Variants in PDE8B observed in about 807,000 individuals in gnomAD.
PDE8B encodes high affinity cAMP-specific and IBMX-insensitive 3',5'-cyclic phosphodiesterase 8B.
Under a neutral mutation model 101.3 loss-of-function variants are expected in PDE8B, and 26 were observed. That is an observed-to-expected ratio of 0.26 (90% CI 0.19 to 0.36). PDE8B has a LOEUF of 0.36. PDE8B is among the 10% of genes least tolerant of loss of function. The probability of loss-of-function intolerance (pLI) is 1.00; values close to 1 mark genes in which losing one functional copy is unlikely to be tolerated. For synonymous variants in PDE8B, 424 were observed against 429.3 expected, an observed-to-expected ratio of 0.99 and a Z score of 0.15; for missense variants, 810 against 1,163.1, an observed-to-expected ratio of 0.70 and a Z score of 4.42.
chr5:77,338,983 C>G (rs1778687522), intron 6 of PDE8B, among the ~76,000 whole-genome samples: 1 of 152,058 alleles, frequency 6.6e-6, no homozygotes, highest in African/African-American at 2.4e-5. Flanking sequence ...GGGGGCTGTC[C>G]CAGGAATGTT....
At chr5:77,357,932 C>T (rs1782402808) in intron 10 of PDE8B, among the ~76,000 whole-genome samples, 2 of 152,234 alleles carry the variant, frequency 1.3e-5, no homozygotes, top group South Asian at 2.1e-4. Context: ...TGCCTGCAAC[C>T]CTTGGTGGCC....
At chr5:77,137,487 A>G in the PDE8B span, among the ~76,000 whole-genome samples, 3 of 152,250 alleles carry the variant, frequency 2.0e-5, no homozygotes, top group African/African-American at 7.2e-5. Context: ...TGGCCAAGGC[A>G]GAGTCAAGGT....
intron 19 of PDE8B, 75 bp from the exon 20 acceptor site, chr5:77,421,746 A>AT (rs1344690742): frequency 2.1e-6 from 3 of 1,430,494 alleles, no homozygotes; most frequent in African/African-American, 2.8e-5. Context: ...ATCACCATCG[A>AT]ATGCCTGGCG....
the PDE8B span, among the ~76,000 whole-genome samples, chr5:77,152,622 C>G: frequency 6.6e-6 from 1 of 152,188 alleles, no homozygotes; most frequent in Non-Finnish European, 1.5e-5. Context: ...AGCTTTTTCT[C>G]CAGCATTGTT....
intron 1 of PDE8B, among the ~76,000 whole-genome samples, chr5:77,222,252 C>A (rs1040077526): frequency 6.6e-6 from 1 of 152,112 alleles, no homozygotes; most frequent in Admixed American, 6.5e-5. Context: ...CCTGTAAACC[C>A]GCTAGGTTCT....
upstream of PDE8B, chr5:77,210,571 G>T: frequency 1.0e-6 from 1 of 956,310 alleles, no homozygotes; most frequent in African/African-American, 1.8e-5. The surrounding 1 kb of genome is among the most constrained non-coding windows in gnomAD (Gnocchi z 4.9). Context: ...GGTCGAGCTG[G>T]GCGGCGGCGG....
rs143065296 is a variant in PDE8B, at chr5:77,328,798, G to A, written c.591-200G>A. On this transcript the variant is annotated intron_variant, in intron 3 of 21. Coordinates refer to ENST00000264917, the MANE Select transcript of PDE8B (RefSeq NM_003719.5). ...TTGGATAATTGCCTGGGAGTTAAGA[G>A]AAAAAAAATTTTTTAACGAAATGAA... Among the ~76,000 whole-genome samples the A allele has an allele frequency of 1.6e-3, 239 of 152,222 alleles. 6 individuals carry two copies. In the East Asian group the frequency reaches 0.044, roughly 28 times the overall value.
At chr5:77,373,871 C>T (rs1045884976) in intron 10 of PDE8B, among the ~76,000 whole-genome samples, 8 of 152,094 alleles carry the variant, frequency 5.3e-5, no homozygotes, top group African/African-American at 9.6e-5. Flanking sequence ...TTTTTTGAGA[C>T]GGAGTTTTGC....
chr5:77,335,651 G>T (rs551211353), intron 5 of PDE8B, among the ~76,000 whole-genome samples: 1 of 152,166 alleles, frequency 6.6e-6, no homozygotes, highest in Admixed American at 6.5e-5. Context: ...ACATCTTTCA[G>T]CAGGGCCTAG....
At chr5:77,260,717 A>G (rs1259848838) in intron 1 of PDE8B, among the ~76,000 whole-genome samples, 1 of 151,236 alleles carries the variant, frequency 6.6e-6, no homozygotes, top group Non-Finnish European at 1.5e-5. Context: ...CCACCTGAGT[A>G]GCTGGGATTG....
intron 16 of PDE8B, among the ~76,000 whole-genome samples, chr5:77,412,463 T>C (rs1425066537): frequency 6.6e-6 from 1 of 152,028 alleles, no homozygotes; most frequent in Non-Finnish European, 1.5e-5. Context: ...TATCCACAGC[T>C]CCCTCCTTTG....
the PDE8B span, among the ~76,000 whole-genome samples, chr5:77,125,506 T>C: frequency 6.6e-6 from 1 of 152,206 alleles, no homozygotes; most frequent in Non-Finnish European, 1.5e-5. Context: ...AATAGATACT[T>C]GTACACCAAC....
chr5:77,244,183 G>A lies in PDE8B; in HGVS notation c.339+32919G>A, dbSNP rs79780860. Among the ~76,000 whole-genome samples, 326 of 152,178 alleles carry A rather than the reference G, an allele frequency of 2.1e-3. 1 individual carries two copies. Among genetic ancestry groups the A allele is most frequent in the Admixed American group, 4.7e-3 (72 of 15,278 alleles). On this transcript the variant is annotated intron_variant, in intron 1 of 21. Coordinates refer to ENST00000264917, the MANE Select transcript of PDE8B (RefSeq NM_003719.5). ...GCAGACATACAAACTAATCAGATGG[G>A]TTTTAGAAAGACTTAGCTTGGGGGT... is the stretch of plus-strand genomic sequence containing the variant.
the PDE8B span, among the ~76,000 whole-genome samples, chr5:77,099,140 T>C: frequency 6.6e-6 from 1 of 152,246 alleles, no homozygotes; most frequent in East Asian, 1.9e-4. Context: ...TTAAAACTTA[T>C]CTTTGAGACT....
intron 1 of PDE8B, among the ~76,000 whole-genome samples, chr5:77,233,748 C>A (rs182827831): frequency 6.8e-6 from 1 of 147,744 alleles, no homozygotes; most frequent in East Asian, 2.0e-4. Context: ...CAGTTTTAGA[C>A]CATTCCAAAA....
intron 1 of PDE8B, among the ~76,000 whole-genome samples, chr5:77,293,420 A>G (rs1030086015): frequency 1.2e-4 from 19 of 152,218 alleles, no homozygotes; most frequent in African/African-American, 4.3e-4. Flanking sequence ...TATATAGGTT[A>G]ATTTGAGAGA....
rs563377342 is a variant in PDE8B at position 77,298,958 on chromosome 5, A to G, written c.340-13036A>G. Among the ~76,000 whole-genome samples the G allele has an allele frequency of 1.5e-3, 229 of 152,324 alleles. 1 individual carries two copies. The highest frequency in any genetic ancestry group is 5.2e-3 in the African/African-American group (218 of 41,580). ...TTTGCATTATACTCTGGTTTTCTCA[A>G]CTAAGATAAAAATATTTTGAAGGAC... is the stretch of plus-strand genomic sequence containing the variant. On this transcript the variant is annotated intron_variant, in intron 1 of 21. Transcript: ENST00000264917.
chr5:77,313,713 AATG>A (rs1773183556), intron 2 of PDE8B, among the ~76,000 whole-genome samples: 1 of 152,232 alleles, frequency 6.6e-6, no homozygotes, highest in Non-Finnish European at 1.5e-5. Flanking sequence ...ATCAAATATT[AATG>A]ATATGTCTTA....
At chr5:77,426,059 C>A (rs896479790) in intron 21 of PDE8B, 163 bp downstream of exon 21, 2 of 688,618 alleles carry the variant, frequency 2.9e-6, no homozygotes, top group South Asian at 3.2e-5. Context: ...TTTGCATCCC[C>A]AGCAGCTGGC....
Sources: gnomAD v4.1 joint callset for allele counts (sites outside exome capture counted in the v4.1 genomes callset) on GRCh38, gnomAD v4.1.1 for gene constraint, Gnocchi (gnomAD v3.1) non-coding constraint, MANE v1.5 for transcripts, NCBI Gene and HGNC (gene_info 2026-07-23, HGNC 2026-07-21) for gene names.